The following NKAP variants were observed in gnomAD, a reference collection of about 807,000 sequenced individuals.
The protein encoded by NKAP is NFKB activating protein.
NKAP carries 4 observed loss-of-function variants against 35.6 expected under a neutral mutation model. The ratio of observed to expected loss-of-function variants is 0.11; its 90% CI spans 0.06 to 0.26. NKAP has a LOEUF of 0.26. Ranked by LOEUF, NKAP falls within the 10% of genes least tolerant of loss-of-function variation. The probability of loss-of-function intolerance (pLI) is 1.00; values close to 1 mark genes in which losing one functional copy is unlikely to be tolerated. For missense variants in NKAP, 238 were observed against 321.9 expected, an observed-to-expected ratio of 0.74 and a Z score of 1.99; for synonymous variants, 106 against 119.2, an observed-to-expected ratio of 0.89 and a Z score of 0.72.
chrX:119,936,849 A>G, intron 2 of NKAP, 167 bp from the exon 3 acceptor site: 2 of 422,584 alleles, frequency 4.7e-6, no homozygotes, highest in South Asian at 4.1e-5. Flanking sequence ...CAAAAAAACC[A>G]AAACAACAAC....
At chrX:119,931,256 C>T (rs1297391102) in intron 7 of NKAP, among the ~76,000 whole-genome samples, 1 of 111,702 alleles carries the variant, frequency 9.0e-6, no homozygotes, top group Non-Finnish European at 1.9e-5. Flanking sequence ...GTAATCCCAG[C>T]ACTTTGGGAG....
intron 2 of NKAP, among the ~76,000 whole-genome samples, chrX:119,938,352 G>A (rs1410488357): frequency 2.8e-5 from 3 of 108,251 alleles, no homozygotes; most frequent in Non-Finnish European, 3.8e-5. Context: ...TTGCACTCCA[G>A]CCTGGGCGAC....
Position 119,929,145 on chromosome X carries a change from C to G in NKAP, c.1073+871G>C, listed in dbSNP as rs2056729293. ...TCCTGGACTCAAGTGATCTGCCTGC[C>G]TTGGCCTCCCAAAGTGCTGGGATTA... On this transcript the variant is annotated intron_variant, in intron 8 of 8. Coordinates refer to ENST00000371410, the MANE Select transcript of NKAP (RefSeq NM_024528.4). 3.6e-5 allele frequency among the ~76,000 whole-genome samples: 4 copies of G among 111,657 alleles called. No homozygotes were observed. The Admixed American group carries it at 3.8e-4, about 11-fold the overall frequency.
chrX:119,932,368 C>T lies in NKAP; in HGVS notation c.738-152G>A, dbSNP rs7877530. 6.9e-3 allele frequency: 2,634 copies of T among 379,469 alleles called. 56 individuals carry two copies. The highest frequency in any genetic ancestry group is 0.061 in the African/African-American group (2,301 of 37,726). 31.3% of individuals were successfully genotyped at this position (379,469 alleles called of 1,213,427 possible). A position where few individuals can be genotyped will look rare whatever the true frequency, so the allele number is the denominator to read the frequency against. Reference sequence around the variant, plus strand: ...GTGACAATAAAATGATCTGAATTCCCAGCTTATTCAAACTTACAAGATAAT... The same window carrying T: ...GTGACAATAAAATGATCTGAATTCCTAGCTTATTCAAACTTACAAGATAAT... On this transcript the variant is annotated intron_variant, in intron 5 of 8. Coordinates refer to ENST00000371410, the MANE Select transcript of NKAP (RefSeq NM_024528.4).
rs191905243 is a variant in NKAP at position 119,924,995 on chromosome X, G to T, written c.*225C>A. On this transcript the variant is annotated 3_prime_UTR_variant, in exon 9 of 9. Transcript: ENST00000371410. ...GCAACCGTGCCCAGCCCATAATTTG[G>T]ATTTTTAAACCAGAAAGTTACTATG... The T allele has an allele frequency of 2.7e-4, 106 of 397,712 alleles. No individual in the cohort carries two copies. Among genetic ancestry groups the T allele is most frequent in the African/African-American group, 2.5e-3 (98 of 39,391 alleles). 32.8% of individuals were successfully genotyped at this position (397,712 alleles called of 1,213,427 possible). A position where few individuals can be genotyped will look rare whatever the true frequency, so the allele number is the denominator to read the frequency against.
intron 4 of NKAP, among the ~76,000 whole-genome samples, chrX:119,935,257 G>A (rs1190727538): frequency 1.8e-5 from 2 of 111,670 alleles, no homozygotes; most frequent in Non-Finnish European, 3.8e-5. Flanking sequence ...GATTACAAAA[G>A]TAATGCATGC....
At chrX:119,926,663 TC>T (rs1465059414) in intron 8 of NKAP, among the ~76,000 whole-genome samples, 2 of 111,589 alleles carry the variant, frequency 1.8e-5, no homozygotes, top group Non-Finnish European at 3.8e-5. Flanking sequence ...AGGTGACATA[TC>T]CATTTGCCTT....
intron 2 of NKAP, 112 bp downstream of exon 2, chrX:119,938,618 G>GAAAAAA: frequency 2.0e-6 from 1 of 490,572 alleles, no homozygotes; most frequent in Non-Finnish European, 3.2e-6. Flanking sequence ...TAAATCACAA[G>GAAAAAA]AAAGAAAAAT....
In NKAP at chrX:119,925,060, T is replaced by A. The variant is rs184335321; in HGVS notation, c.*160A>T. ...ACCCAAAGAACTTGCTAAAGTTATA[T>A]CAATAAGCAGCTTTTTATTGAAGGA... On this transcript the variant is annotated 3_prime_UTR_variant, in exon 9 of 9. Transcript: ENST00000371410. 1.2e-4 allele frequency: 66 copies of A among 536,958 alleles called. No homozygotes were observed. In the African/African-American group the frequency reaches 1.3e-3, roughly 11 times the overall value. 44.3% of individuals were successfully genotyped at this position (536,958 alleles called of 1,213,427 possible).
In NKAP at chrX:119,942,989, G is replaced by A. The variant is rs771898114; in HGVS notation, c.386+231C>T. ...GGCAATATTCGCTAACAAGACAGGA[G>A]GCGGAAGGGGGTAGCGGGAGACCAG... On this transcript the variant is annotated intron_variant, in intron 1 of 8. Coordinates refer to ENST00000371410, the MANE Select transcript of NKAP (RefSeq NM_024528.4). 3 of 383,688 alleles carry A rather than the reference G, an allele frequency of 7.8e-6. No individual in the cohort carries two copies. In the South Asian group the frequency reaches 1.7e-4, roughly 22 times the overall value. The allele number at this position is 383,688 out of a possible 1,213,427, so 31.6% of individuals were successfully genotyped here.
At chrX:119,934,429 T>TAA (rs1160519275) in intron 5 of NKAP, 65 bp downstream of exon 5, 2 of 245,641 alleles carry the variant, frequency 8.1e-6, no homozygotes, top group Non-Finnish European at 1.0e-5. Flanking sequence ...AGACTCTGTC[T>TAA]CAAAAAAAAA....
chrX:119,939,270 G>A, intron 1 of NKAP, among the ~76,000 whole-genome samples: 1 of 108,875 alleles, frequency 9.2e-6, no homozygotes, highest in East Asian at 2.8e-4. Context: ...GAAAATGAAA[G>A]AAAAGTTTTT....
At chrX:119,931,764 C>T (rs1012982492) in intron 7 of NKAP, among the ~76,000 whole-genome samples, 172 bp downstream of exon 7, 2 of 110,922 alleles carry the variant, frequency 1.8e-5, no homozygotes, top group Non-Finnish European at 3.8e-5. Flanking sequence ...ATAAGCTGAA[C>T]ATGGCATAAA....
At chrX:119,943,113 G>A (rs1465270210) in intron 1 of NKAP, 107 bp downstream of exon 1, 4 of 1,002,898 alleles carry the variant, frequency 4.0e-6, no homozygotes, top group Admixed American at 3.1e-5. Context: ...TGGGCGCAAG[G>A]CAAGCAGAGT....
rs1344418464 is a variant in NKAP at position 119,921,542 on chromosome X, G to A, written c.*3678C>T. On this transcript the variant is annotated 3_prime_UTR_variant, in exon 9 of 9. Coordinates refer to ENST00000371410, the MANE Select transcript of NKAP (RefSeq NM_024528.4). ...GTGGCAAACTAGATAAGTCTCCTTG[G>A]AGAACAAAAAATATATTTAAAATAC... The A allele has an allele frequency of 1.9e-5, 2 of 105,956 alleles. No homozygotes were observed. The highest frequency in any genetic ancestry group is 2.9e-4 in the East Asian group (1 of 3,415). The allele number at this position is 105,956 out of a possible 1,213,427, so 8.7% of individuals were successfully genotyped here.
chrX:119,943,243 C>T lies in NKAP; in HGVS notation c.363G>A (p.Glu121=). Reference sequence around the variant, plus strand: ...ACTTCTGCCGCAGGCTCTCCTCCCTCTCCTTGTCGAGGAGGCTAGGCCAAG... The same window carrying T: ...ACTTCTGCCGCAGGCTCTCCTCCCTTTCCTTGTCGAGGAGGCTAGGCCAAG... The part of the protein sequence containing the change: ...DKPWPSLLDK[E]REESLRQKRL... Residue 121 remains glutamate, a synonymous_variant, in exon 1 of 9, where the codon GAG becomes GAA. Transcript: ENST00000371410. 8.4e-7 allele frequency: 1 copy of T among 1,196,951 alleles called. No individual in the cohort carries two copies. The highest frequency in any genetic ancestry group is 1.7e-5 in the African/African-American group (1 of 57,663).
At chrX:119,936,811 T>G (rs763243004) in intron 2 of NKAP, 129 bp from the exon 3 acceptor site, 2 of 504,325 alleles carry the variant, frequency 4.0e-6, no homozygotes, top group East Asian at 7.6e-5. Flanking sequence ...AAGCAAGCAT[T>G]GGAGATCCTA....
chrX:119,943,518 G>A lies in NKAP; in HGVS notation c.88C>T (p.Pro30Ser). 1 of 1,211,222 alleles carries A rather than the reference G, an allele frequency of 8.3e-7. No individual in the cohort carries two copies. The highest frequency in any genetic ancestry group is 1.1e-6 in the Non-Finnish European group (1 of 895,014). ...CGCGGGGAGCGGGCAGATTTGCTGG[G>A]CTTCGGACTCTTCGACGAACTGCGA... ...RRRSSSKSPK[P>S]SKSARSPRGR... The change falls in exon 1 of 9, where the codon CCC becomes TCC. Residue 30 changes from proline (P) to serine (S), a missense_variant. Physicochemically the swap from Pro to Ser is moderately conservative, Grantham distance 74. Transcript: ENST00000371410.
At chrX:119,941,271 G>T (rs2056791943) in intron 1 of NKAP, among the ~76,000 whole-genome samples, 1 of 112,234 alleles carries the variant, frequency 8.9e-6, no homozygotes, top group African/African-American at 3.2e-5. Context: ...CATAGCCTGT[G>T]GGTATGTTTC....
Sources: gnomAD v4.1 joint callset for allele counts (sites outside exome capture counted in the v4.1 genomes callset) on GRCh38, gnomAD v4.1.1 for gene constraint, MANE v1.5 for transcripts, NCBI Gene and HGNC (gene_info 2026-07-23, HGNC 2026-07-21) for gene names.